Variants in DLC1 observed in about 807,000 individuals in gnomAD.
DLC1 encodes rho GTPase-activating protein 7.
DLC1 carries 54 observed loss-of-function variants against 140.3 expected under a neutral mutation model. The observed-to-expected ratio is 0.38, with a 90% CI of 0.31 to 0.48. The LOEUF is 0.48. Among genes scored for constraint, DLC1 ranks in the 20% least tolerant of loss-of-function variants. The probability of loss-of-function intolerance (pLI) is 0.96; values close to 1 mark genes in which losing one functional copy is unlikely to be tolerated. For synonymous variants in DLC1, 986 were observed against 728.1 expected, an observed-to-expected ratio of 1.35 and a Z score of -5.70; for missense variants, 2,536 against 1,907.0, an observed-to-expected ratio of 1.33 and a Z score of -6.14.
intron 2 of DLC1, among the ~76,000 whole-genome samples, chr8:13,453,546 A>G (rs1263670448): frequency 9.1e-5 from 4 of 44,140 alleles, no homozygotes; most frequent in African/African-American, 5.2e-4. Context: ...ATACATATAT[A>G]TATATATATA....
At chr8:13,129,804 C>T (rs1457000289) in intron 5 of DLC1, among the ~76,000 whole-genome samples, 3 of 152,108 alleles carry the variant, frequency 2.0e-5, no homozygotes, top group Non-Finnish European at 4.4e-5. Context: ...TTGGCAATAG[C>T]CAGGGAGGAA....
rs80293630 is a variant in DLC1, at chr8:13,566,531, A to C, written c.-126+38006T>G. ...AAGTTTTTGCTTGTGCATCTTGTCC[A>C]GCGCGTTTTGCTTGATTTTTAAATC... On this transcript the variant is annotated intron_variant, in intron 1 of 1. Transcript: ENST00000631382. Among the ~76,000 whole-genome samples, 1,428 of 152,322 alleles carry C rather than the reference A, an allele frequency of 9.4e-3. 27 individuals are homozygous for C. Among genetic ancestry groups the C allele is most frequent in the African/African-American group, 0.033 (1,361 of 41,574 alleles).
chr8:13,551,075 C>CACACT lies in DLC1; in HGVS notation c.-125-50880_-125-50879insAGTGT, dbSNP rs71207163. Among the ~76,000 whole-genome samples, 197 of 121,676 alleles carry CACACT rather than the reference C, an allele frequency of 1.6e-3. 1 individual carries two copies. The highest frequency in any genetic ancestry group is 3.2e-3 in the South Asian group (11 of 3,396). 79.8% of individuals were successfully genotyped at this position (121,676 alleles called of 152,430 possible). A position where few individuals can be genotyped will look rare whatever the true frequency, so the allele number is the denominator to read the frequency against. ...ACACACACACACACACACACACACA[C>CACACT]TTTTTTTTTTTTTCCAAAGAACACT... On this transcript the variant is annotated intron_variant, in intron 1 of 1. Transcript: ENST00000631382.
intron 4 of DLC1, among the ~76,000 whole-genome samples, chr8:13,367,975 G>T (rs1419152660): frequency 6.6e-6 from 1 of 152,170 alleles, no homozygotes; most frequent in Non-Finnish European, 1.5e-5. Context: ...ATTGTGTGGG[G>T]TTTGGAAGAG....
At position 13,132,389 on chromosome 8, in the gene DLC1, G is replaced by A. The variant is rs181700061; in HGVS notation, c.1349-16732C>T. On this transcript the variant is annotated intron_variant, in intron 5 of 17. Coordinates refer to ENST00000276297, the MANE Select transcript of DLC1 (RefSeq NM_182643.3). ...TAAAGTATCTTACCCAAAAATGGTT[G>A]AAAAGGAAAACAAGTTTTTGGTGAA... Among the ~76,000 whole-genome samples the A allele has an allele frequency of 3.8e-4, 57 of 151,902 alleles. No individual in the cohort carries two copies. The East Asian group carries it at 9.7e-3, about 26-fold the overall frequency.
intron 5 of DLC1, among the ~76,000 whole-genome samples, chr8:13,137,587 A>T (rs1393366463): frequency 1.4e-5 from 2 of 142,806 alleles, no homozygotes; most frequent in African/African-American, 5.2e-5. Flanking sequence ...CAGCTTGGAC[A>T]TCAGTTTTTG....
At chr8:13,276,749 C>T (rs1282568821) in intron 5 of DLC1, 4 of 325,032 alleles carry the variant, frequency 1.2e-5, no homozygotes, top group Non-Finnish European at 9.1e-6. Context: ...CCTTCAGGGG[C>T]AGTCCAGGTG....
chr8:13,239,490 G>C (rs76765776), intron 5 of DLC1, among the ~76,000 whole-genome samples: 154 of 152,284 alleles, frequency 1.0e-3, no homozygotes, highest in African/African-American at 3.0e-3. Context: ...GCACATAATT[G>C]CCAAGTGAGT....
intron 4 of DLC1, among the ~76,000 whole-genome samples, chr8:13,375,959 T>C (rs1373972309): frequency 2.0e-5 from 3 of 152,212 alleles, no homozygotes; most frequent in African/African-American, 7.2e-5. Flanking sequence ...AGGATACCTG[T>C]GAGAGTGACT....
chr8:13,165,872 G>A (rs1158706238), intron 5 of DLC1, among the ~76,000 whole-genome samples: 5 of 152,134 alleles, frequency 3.3e-5, no homozygotes, highest in African/African-American at 7.2e-5. Context: ...TCTCTGGATC[G>A]TGTCACTCAG....
intron 5 of DLC1, among the ~76,000 whole-genome samples, chr8:13,123,328 A>T (rs1821264384): frequency 7.1e-6 from 1 of 141,426 alleles, no homozygotes. Context: ...TGCTCCCTGC[A>T]CCCCCCGCCC....
chr8:13,280,814 T>A (rs548228453), intron 5 of DLC1, among the ~76,000 whole-genome samples: 30 of 152,260 alleles, frequency 2.0e-4, no homozygotes, highest in African/African-American at 7.2e-4. Flanking sequence ...TGATGGGAAA[T>A]GAAAAGCTTA....
chr8:13,398,929 G>A (rs145771889), intron 3 of DLC1, among the ~76,000 whole-genome samples: 5 of 152,304 alleles, frequency 3.3e-5, no homozygotes, highest in African/African-American at 1.2e-4. Flanking sequence ...TATGAGAAGA[G>A]GAAGGCAAGA....
At chr8:13,539,740 A>ATG (rs1433337591) in intron 1 of DLC1, among the ~76,000 whole-genome samples, 6 of 115,864 alleles carry the variant, frequency 5.2e-5, no homozygotes, top group East Asian at 5.1e-4. Flanking sequence ...GCATTAAGAA[A>ATG]TGTGTGTGTA....
At chr8:13,330,939 A>G (rs1273417254) in intron 4 of DLC1, among the ~76,000 whole-genome samples, 2 of 152,230 alleles carry the variant, frequency 1.3e-5, no homozygotes, top group Non-Finnish European at 2.9e-5. Flanking sequence ...AAATTAGGTT[A>G]AAATAAACAT....
intron 1 of DLC1, among the ~76,000 whole-genome samples, chr8:13,532,697 C>G (rs1259989136): frequency 6.6e-6 from 1 of 152,176 alleles, no homozygotes; most frequent in Non-Finnish European, 1.5e-5. Context: ...CTCAAGTAAC[C>G]TCCCACTTCG....
chr8:13,124,630 C>T (rs760649318), intron 5 of DLC1, among the ~76,000 whole-genome samples: 6 of 152,204 alleles, frequency 3.9e-5, no homozygotes, highest in South Asian at 2.1e-4. Context: ...AAAACAACTC[C>T]AGGAAAGAAT....
intron 4 of DLC1, among the ~76,000 whole-genome samples, chr8:13,359,574 A>G (rs1398188701): frequency 6.6e-6 from 1 of 152,126 alleles, no homozygotes; most frequent in Non-Finnish European, 1.5e-5. Context: ...TTGGAAAGGA[A>G]ACTCCACAAA....
chr8:13,246,073 G>T (rs1829750599), intron 5 of DLC1, among the ~76,000 whole-genome samples: 1 of 152,158 alleles, frequency 6.6e-6, no homozygotes, highest in African/African-American at 2.4e-5. Context: ...ACATGAACCA[G>T]GGTGGTGGTC....
Sources: gnomAD v4.1 joint callset for allele counts (sites outside exome capture counted in the v4.1 genomes callset) on GRCh38, gnomAD v4.1.1 for gene constraint, MANE v1.5 for transcripts, NCBI Gene and HGNC (gene_info 2026-07-23, HGNC 2026-07-21) for gene names.